Variants in TRAPPC9 observed in about 807,000 individuals in gnomAD.
The protein encoded by TRAPPC9 is IKK2 binding protein.
TRAPPC9 carries 83 observed loss-of-function variants against 124.0 expected under a neutral mutation model. The ratio of observed to expected loss-of-function variants is 0.67; its 90% CI spans 0.56 to 0.80. TRAPPC9 has a LOEUF of 0.80. Among genes scored for constraint, TRAPPC9 ranks in the 30% least tolerant of loss-of-function variants. TRAPPC9 has a pLI of 0.00. For missense variants in TRAPPC9, 1,302 were observed against 1,508.3 expected, an observed-to-expected ratio of 0.86 and a Z score of 2.27; for synonymous variants, 638 against 617.5, an observed-to-expected ratio of 1.03 and a Z score of -0.49.
intron 21 of TRAPPC9, among the ~76,000 whole-genome samples, chr8:139,870,194 G>A (rs770482970): frequency 6.6e-6 from 1 of 152,160 alleles, no homozygotes; most frequent in Non-Finnish European, 1.5e-5. Context: ...ATGACTTGGG[G>A]CCAATTAGGT....
At chr8:139,862,219 G>A (rs1828214019) in intron 21 of TRAPPC9, among the ~76,000 whole-genome samples, 1 of 152,356 alleles carries the variant, frequency 6.6e-6, no homozygotes, top group Non-Finnish European at 1.5e-5. Context: ...GCTCTTCCTG[G>A]CCTGTGTTGC....
Position 139,885,883 on chromosome 8 carries a change from C to T in TRAPPC9, c.3051G>A (p.Gln1017=), listed in dbSNP as rs765566554. The change falls in exon 21 of 23, where the codon CAG becomes CAA. Residue 1017 remains glutamine, a synonymous_variant. Transcript: ENST00000438773. The part of the protein sequence containing the change: ...VLEHLQLAPL[Q]WDVLVDGQPC... ...GGGTGGCTGGCGGGTACTCACCCCACTGCAGAGGCGCCAGCTGCAGGTGCT... is the reference window on the plus strand; with the variant it reads ...GGGTGGCTGGCGGGTACTCACCCCATTGCAGAGGCGCCAGCTGCAGGTGCT... The T allele has an allele frequency of 1.0e-5, 16 of 1,563,004 alleles. No individual in the cohort carries two copies. Among genetic ancestry groups the T allele is most frequent in the Middle Eastern group, 3.3e-4 (2 of 5,986 alleles).
intron 18 of TRAPPC9, among the ~76,000 whole-genome samples, chr8:140,018,001 A>G (rs746899886): frequency 3.3e-5 from 5 of 151,690 alleles, no homozygotes; most frequent in Non-Finnish European, 5.9e-5. Flanking sequence ...CCACCACCAC[A>G]CCCAGTTAAT....
chr8:140,402,460 C>T (rs138792333), intron 6 of TRAPPC9, among the ~76,000 whole-genome samples: 3 of 145,596 alleles, frequency 2.1e-5, no homozygotes, highest in Non-Finnish European at 4.5e-5. Flanking sequence ...TTGGGAGGCC[C>T]GAAGCAGGCA....
intron 16 of TRAPPC9, among the ~76,000 whole-genome samples, chr8:140,240,528 CACAGG>C (rs1346964988): frequency 6.6e-6 from 1 of 152,326 alleles, no homozygotes; most frequent in African/African-American, 2.4e-5. Flanking sequence ...GCCTGCCATA[CACAGG>C]TAGGTGAATC....
At chr8:140,366,240 G>A (rs1395369767) in intron 8 of TRAPPC9, among the ~76,000 whole-genome samples, 2 of 152,198 alleles carry the variant, frequency 1.3e-5, no homozygotes, top group African/African-American at 2.4e-5. Flanking sequence ...ACCTGTCCAT[G>A]TGTCTTTATA....
At chr8:139,861,442 A>G in intron 21 of TRAPPC9, among the ~76,000 whole-genome samples, 1 of 152,212 alleles carries the variant, frequency 6.6e-6, no homozygotes, top group Non-Finnish European at 1.5e-5. Context: ...GGTGACCAGG[A>G]TGAGTCAGGA....
rs536279749 is a variant in TRAPPC9, at chr8:139,980,715, T to C, written c.2810+8011A>G. Among the ~76,000 whole-genome samples, 3 of 151,862 alleles carry C rather than the reference T, an allele frequency of 2.0e-5. No homozygotes were observed. The South Asian group carries it at 6.3e-4, about 32-fold the overall frequency. The stretch of plus-strand genomic sequence containing the variant: ...CACGCGAAGCCAGCTCGGGGCGGAG[T>C]TGAGGCTGCAGAGGGCTCCGCGTGG... On this transcript the variant is annotated intron_variant, in intron 19 of 22. Transcript: ENST00000438773.
Position 139,926,935 on chromosome 8 carries a change from A to C in TRAPPC9, c.2811-16635T>G, listed in dbSNP as rs188593293. ...TGATTAGACAAAAGATTTGTATCCA[A>C]GACTATATAAAGAAATCTCAAAACC... On this transcript the variant is annotated intron_variant, in intron 19 of 22. Transcript: ENST00000438773. Among the ~76,000 whole-genome samples the C allele has an allele frequency of 7.2e-5, 11 of 152,380 alleles. 2 individuals carry two copies. The highest frequency in any genetic ancestry group is 7.2e-4 in the Admixed American group (11 of 15,310).
chr8:139,914,178 C>T (rs1386093404), intron 19 of TRAPPC9: 1 of 152,386 alleles, frequency 6.6e-6, no homozygotes, highest in Non-Finnish European at 1.5e-5. Flanking sequence ...CTTGTCACTC[C>T]TGTGGAGAGC....
intron 2 of TRAPPC9, among the ~76,000 whole-genome samples, chr8:140,446,661 C>A (rs1408171595): frequency 2.6e-5 from 4 of 152,116 alleles, no homozygotes; most frequent in African/African-American, 4.8e-5. Context: ...TCAAGTAATT[C>A]TCTTGCCTCA....
At chr8:139,872,378 G>C (rs1828988958) in intron 21 of TRAPPC9, among the ~76,000 whole-genome samples, 1 of 96,408 alleles carries the variant, frequency 1.0e-5, no homozygotes, top group African/African-American at 3.0e-5. Context: ...GTAAATGGTT[G>C]GATAAGTGGG....
chr8:139,841,420 G>A (rs1826722532), intron 21 of TRAPPC9, among the ~76,000 whole-genome samples: 1 of 152,226 alleles, frequency 6.6e-6, no homozygotes, highest in Admixed American at 6.5e-5. Flanking sequence ...GCTGGTGGGG[G>A]CCGGCGGGCC....
At chr8:139,990,362 T>C (rs930819490) in intron 18 of TRAPPC9, among the ~76,000 whole-genome samples, 1 of 152,122 alleles carries the variant, frequency 6.6e-6, no homozygotes. Context: ...CCTCTATTCA[T>C]TCCAAAGCCA....
intron 7 of TRAPPC9, among the ~76,000 whole-genome samples, chr8:140,379,984 T>G (rs2068555811): frequency 1.3e-5 from 2 of 152,232 alleles, no homozygotes; most frequent in Non-Finnish European, 1.5e-5. Flanking sequence ...GTTCATGGAT[T>G]GGAAGACAAT....
Position 139,920,454 on chromosome 8 carries a change from T to C in TRAPPC9, c.2811-10154A>G, listed in dbSNP as rs1430776731. 2.0e-5 allele frequency among the ~76,000 whole-genome samples: 3 copies of C among 152,246 alleles called. No individual in the cohort carries two copies. The East Asian group carries it at 5.8e-4, about 29-fold the overall frequency. ...GGTCTACTTCTAATCTGCCGTGCCC[T>C]TGGGCAAGTCACCCTGTCCCTGAGC... On this transcript the variant is annotated intron_variant, in intron 19 of 22. Coordinates refer to ENST00000438773, the MANE Select transcript of TRAPPC9 (RefSeq NM_001160372.4).
chr8:139,912,140 A>G (rs1008838280), intron 19 of TRAPPC9, among the ~76,000 whole-genome samples: 2 of 152,220 alleles, frequency 1.3e-5, no homozygotes, highest in African/African-American at 4.8e-5. Flanking sequence ...AAAAGCATTC[A>G]AATATTATAC....
intron 17 of TRAPPC9, among the ~76,000 whole-genome samples, chr8:140,105,502 G>A (rs1393881071): frequency 6.6e-6 from 1 of 152,154 alleles, no homozygotes; most frequent in Non-Finnish European, 1.5e-5. Flanking sequence ...AAAGACACCT[G>A]CTTAGGAGAG....
intron 18 of TRAPPC9, among the ~76,000 whole-genome samples, chr8:139,992,838 A>G (rs1587436256): frequency 6.6e-6 from 1 of 152,056 alleles, no homozygotes; most frequent in African/African-American, 2.4e-5. Flanking sequence ...TAGTGCTGGG[A>G]AAAATGACTA....
Sources: gnomAD v4.1 joint callset for allele counts (sites outside exome capture counted in the v4.1 genomes callset) on GRCh38, gnomAD v4.1.1 for gene constraint, MANE v1.5 for transcripts, NCBI Gene and HGNC (gene_info 2026-07-23, HGNC 2026-07-21) for gene names.